SCART1: variants seen among roughly 807,000 people sequenced by gnomAD.
SCART1 encodes scavenger receptor cysteine-rich domain-containing protein SCART1.
Under a neutral mutation model 36.2 loss-of-function variants are expected in SCART1, and 62 were observed. That is an observed-to-expected ratio of 1.71 (90% CI 1.40 to 2.12). The LOEUF is 2.12. SCART1 is among the 30% of genes most tolerant of loss of function. SCART1 has a pLI of 0.00. For missense variants in SCART1, 1,041 were observed against 540.5 expected (o/e 1.93, Z -9.18); for synonymous variants, 487 against 238.7 (o/e 2.04, Z -9.59).
intron 3 of SCART1, chr10:133,458,131 C>T: frequency 1.4e-6 from 1 of 691,178 alleles, no homozygotes; most frequent in South Asian, 1.5e-5. Context: ...TGAGCACCTG[C>T]AGCAGGTGAC....
At chr10:133,454,859 C>T (rs1319709531) in intron 1 of SCART1, among the ~76,000 whole-genome samples, 1 of 152,086 alleles carries the variant, frequency 6.6e-6, no homozygotes, top group Non-Finnish European at 1.5e-5. Flanking sequence ...GCAATGTGGC[C>T]ACAGATGGAT....
chr10:133,459,577 T>C, exon 6 of SCART1: 1 of 677,140 alleles, frequency 1.5e-6, no homozygotes, highest in Non-Finnish European at 2.7e-6. Context: ...GGCCGCGTCC[T>C]GGACGATGCC....
chr10:133,469,589 GT>G (rs1219587287), downstream of SCART1, among the ~76,000 whole-genome samples: 1 of 151,288 alleles, frequency 6.6e-6, no homozygotes, highest in Non-Finnish European at 1.5e-5. Flanking sequence ...ACTGGGGCCT[GT>G]CAGGGGGTGG....
rs1034732177 is a variant in SCART1, at chr10:133,465,118, A to T, written c.2288A>T (p.Asp763Val). The change falls in exon 8 of 12, where the codon GAC becomes GTC. Residue 763 changes from aspartate (D) to valine (V), a missense_variant. Physicochemically the swap from Asp to Val is radical, Grantham distance 152. Coordinates refer to ENST00000640237, the Ensembl canonical transcript of SCART1. ...GTTTAACCCGCAGGATTGTCAGAGGACAGGCCACAGGCTGCTGGGGAGCCC... is the reference window on the plus strand; with the variant it reads ...GTTTAACCCGCAGGATTGTCAGAGGTCAGGCCACAGGCTGCTGGGGAGCCC... 5.7e-6 allele frequency: 4 copies of T among 703,016 alleles called. No homozygotes were observed. The East Asian group carries it at 1.1e-4, about 19-fold the overall frequency. The allele number at this position is 703,016 out of a possible 1,614,324, so 43.5% of individuals were successfully genotyped here.
At chr10:133,457,634 G>A in intron 3 of SCART1, 59 bp downstream of exon 3, 3 of 609,140 alleles carry the variant, frequency 4.9e-6, no homozygotes, top group Non-Finnish European at 8.7e-6. Context: ...CCCGGACCTG[G>A]GGAGGGCAGG....
intron 3 of SCART1, chr10:133,457,978 C>G (rs1850640938): frequency 1.9e-6 from 1 of 518,504 alleles, no homozygotes. Flanking sequence ...TGAGGAGCAG[C>G]TGAAATGAGG....
At chr10:133,462,914 T>C (rs911085104) in intron 6 of SCART1, among the ~76,000 whole-genome samples, 2 of 152,190 alleles carry the variant, frequency 1.3e-5, no homozygotes, top group African/African-American at 4.8e-5. Context: ...GGGATACTTA[T>C]GGACACTTTT....
rs111769579 is a variant in SCART1, at chr10:133,464,740, CTGGGGTG to C, written c.2117_2123del (p.Val706GlufsTer217). ...CTCCTTGTCCATCATCTGCAAGCAG[CTGGGGTG>C]TGGGGTGTGGGGAGTGGGGCTGGCT... is the stretch of plus-strand genomic sequence containing the variant. On this transcript the variant is annotated frameshift_variant, in exon 7 of 12. Coordinates refer to ENST00000640237, the Ensembl canonical transcript of SCART1. LOFTEE classifies it high-confidence loss of function. 0.13 allele frequency: 91,114 copies of C among 700,902 alleles called. 8,561 individuals carry two copies. The highest frequency in any genetic ancestry group is 0.39 in the African/African-American group (22,318 of 56,910). The allele number at this position is 700,902 out of a possible 1,614,324, so 43.4% of individuals were successfully genotyped here.
intron 10 of SCART1, 56 bp downstream of exon 10, chr10:133,466,437 C>T: frequency 2.9e-6 from 2 of 683,344 alleles, no homozygotes; most frequent in South Asian, 3.2e-5. Flanking sequence ...AAGAGCAGCT[C>T]ACAGCTCCAG....
At chr10:133,458,722 C>T in intron 4 of SCART1, 66 bp downstream of exon 4, 1 of 688,500 alleles carries the variant, frequency 1.5e-6, no homozygotes, top group Non-Finnish European at 2.6e-6. Flanking sequence ...TCCCTTCGTG[C>T]CCTAAAGGTG....
exon 12 of SCART1, chr10:133,468,377 A>G (rs1850786311): frequency 6.4e-6 from 1 of 156,174 alleles, no homozygotes; most frequent in African/African-American, 2.4e-5. Context: ...AATTGAATCC[A>G]AAGTATCTTT....
At position 133,462,852 on chromosome 10, in the gene SCART1, G is replaced by A. The variant is rs575713236; in HGVS notation, c.1970-1754G>A. ...CCTTGACCCAAGTCCCAAGCCAGCC[G>A]CGATTCAAGGACTGGGGCCCAGACT... On this transcript the variant is annotated intron_variant, in intron 6 of 11. Coordinates refer to ENST00000640237, the Ensembl canonical transcript of SCART1. Among the ~76,000 whole-genome samples, 126 of 152,318 alleles carry A rather than the reference G, an allele frequency of 8.3e-4. 1 individual carries two copies. The highest frequency in any genetic ancestry group is 2.9e-3 in the African/African-American group (122 of 41,542).
At chr10:133,467,385 C>T in intron 11 of SCART1, 32 bp downstream of exon 11, 1 of 683,852 alleles carries the variant, frequency 1.5e-6, no homozygotes, top group Non-Finnish European at 2.7e-6. Context: ...GGGGTGAGCT[C>T]TGGGGTGGGC....
rs1425707332 is a variant in SCART1, at chr10:133,455,722, G to C, written c.68-515G>C. ...ATCCTGCCTGGAAGCCGGTATGGGT[G>C]GGGTAGTGGGGCTGGGTTTGGCATA... On this transcript the variant is annotated intron_variant, in intron 1 of 11. Coordinates refer to ENST00000640237, the Ensembl canonical transcript of SCART1. Among the ~76,000 whole-genome samples the C allele has an allele frequency of 3.3e-5, 5 of 152,064 alleles. No individual in the cohort carries two copies. The East Asian group carries it at 9.7e-4, about 29-fold the overall frequency.
intron 9 of SCART1, 27 bp from the exon 10 acceptor site, chr10:133,466,208 G>A: frequency 1.4e-6 from 1 of 697,982 alleles, no homozygotes; most frequent in Non-Finnish European, 2.6e-6. Flanking sequence ...CCACCACCCA[G>A]CTGGCTCAAG....
intron 4 of SCART1, 41 bp downstream of exon 4, chr10:133,458,697 T>A (rs1457601332): frequency 4.3e-6 from 3 of 698,350 alleles, no homozygotes; most frequent in Non-Finnish European, 7.8e-6. Context: ...CAGCCCTGCC[T>A]TGTTCTCTGT....
intron 10 of SCART1, among the ~76,000 whole-genome samples, 194 bp downstream of exon 10, chr10:133,466,575 C>T (rs1421642374): frequency 1.3e-5 from 2 of 152,238 alleles, no homozygotes; most frequent in Admixed American, 6.5e-5. Flanking sequence ...TAGAAAGAAA[C>T]ACTTAAAAGG....
intron 1 of SCART1, among the ~76,000 whole-genome samples, chr10:133,455,112 C>G (rs1850592378): frequency 6.6e-6 from 1 of 151,994 alleles, no homozygotes; most frequent in Non-Finnish European, 1.5e-5. Flanking sequence ...ACTAAAAATA[C>G]AAAAATTAGC....
At chr10:133,460,028 A>T in exon 6 of SCART1, 1 of 522,290 alleles carries the variant, frequency 1.9e-6, no homozygotes. Context: ...TGGGGGCCGC[A>T]CACTTCGGAG....
Sources: allele counts gnomAD v4.1 joint callset (sites outside exome capture counted in the v4.1 genomes callset), GRCh38; gene constraint gnomAD v4.1.1; transcripts MANE v1.5; gene names NCBI Gene and HGNC (gene_info 2026-07-23, HGNC 2026-07-21).